ARL5B: variants seen among roughly 807,000 people sequenced by gnomAD.
ARL5B encodes the protein ARF like GTPase 5B.
ARL5B carries 10 observed loss-of-function variants against 26.9 expected under a neutral mutation model. The observed-to-expected ratio is 0.37, with a 90% CI of 0.23 to 0.63. The LOEUF is 0.63. Among genes scored for constraint, ARL5B ranks in the 30% least tolerant of loss-of-function variants. ARL5B has a pLI of 0.62. For missense variants in ARL5B, 167 were observed against 213.9 expected, an observed-to-expected ratio of 0.78 and a Z score of 1.37; for synonymous variants, 87 against 70.4, an observed-to-expected ratio of 1.24 and a Z score of -1.18.
rs767357213 is a variant in ARL5B, at chr10:18,675,235, A to G, written c.*19A>G. 5 of 1,610,126 alleles carry G rather than the reference A, an allele frequency of 3.1e-6. No homozygotes were observed. In the African/African-American group the frequency reaches 4.0e-5, roughly 13 times the overall value. ...GAGATAACTTTTTTGCTTGAAAGAG[A>G]CTGCTCTATTTATTCTGTGACATGA... On this transcript the variant is annotated 3_prime_UTR_variant, in exon 6 of 6. Coordinates refer to ENST00000377275, the MANE Select transcript of ARL5B (RefSeq NM_178815.5).
In ARL5B at chr10:18,681,056, G is replaced by A. The variant is rs1035012961; in HGVS notation, c.*5840G>A. 2 of 152,036 alleles carry A rather than the reference G, an allele frequency of 1.3e-5. No individual in the cohort carries two copies. Among genetic ancestry groups the A allele is most frequent in the African/African-American group, 4.8e-5 (2 of 41,402 alleles). The allele number at this position is 152,036 out of a possible 1,614,324, so 9.4% of individuals were successfully genotyped here. A position where few individuals can be genotyped will look rare whatever the true frequency, so the allele number is the denominator to read the frequency against. ...ACTCCTTAAGCTTCAGGCTTTCTGC[G>A]AAAGCTCTAAGAATATCTTCATTAC... On this transcript the variant is annotated 3_prime_UTR_variant, in exon 6 of 6. Transcript: ENST00000377275.
rs764626304 is a variant in ARL5B, at chr10:18,681,407, T to C, written c.*6191T>C. The C allele has an allele frequency of 7.2e-5, 11 of 152,224 alleles. No individual in the cohort carries two copies. Among genetic ancestry groups the C allele is most frequent in the Non-Finnish European group, 1.5e-4 (10 of 68,034 alleles). 9.4% of individuals were successfully genotyped at this position (152,224 alleles called of 1,614,324 possible). A position where few individuals can be genotyped will look rare whatever the true frequency, so the allele number is the denominator to read the frequency against. The stretch of plus-strand genomic sequence containing the variant: ...TTTATTAGTTATGAAGTGCTTCTTT[T>C]ATATGTTAAGTTTAGGTTGCCAGTA... On this transcript the variant is annotated 3_prime_UTR_variant, in exon 6 of 6. Coordinates refer to ENST00000377275, the MANE Select transcript of ARL5B (RefSeq NM_178815.5).
intron 1 of ARL5B, among the ~76,000 whole-genome samples, chr10:18,665,289 T>C (rs1217677134): frequency 1.3e-5 from 2 of 152,272 alleles, no homozygotes; most frequent in East Asian, 3.9e-4. Flanking sequence ...GCAGTGATCA[T>C]GCCCCTGCAC....
chr10:18,672,731 A>ATTT (rs1564866674), intron 4 of ARL5B, 26 bp downstream of exon 4: 1 of 1,535,766 alleles, frequency 6.5e-7, no homozygotes, highest in Admixed American at 1.7e-5. Context: ...AAATCTTTAA[A>ATTT]AAACAGTGTA....
chr10:18,659,472 C>A lies in ARL5B; in HGVS notation c.-166C>A. 1 of 854,252 alleles carries A rather than the reference C, an allele frequency of 1.2e-6. No homozygotes were observed. The allele number at this position is 854,252 out of a possible 1,614,324, so 52.9% of individuals were successfully genotyped here. On this transcript the variant is annotated 5_prime_UTR_variant, in exon 1 of 6. Coordinates refer to ENST00000377275, the MANE Select transcript of ARL5B (RefSeq NM_178815.5). ...AGGGCTGTCCGGTGGGGATTCGTCG[C>A]GGCGCCTTCTGAGTGGTCGGGTCGA...
chr10:18,675,397 T>TA lies in ARL5B; in HGVS notation c.*183dup. 1 of 567,276 alleles carries TA rather than the reference T, an allele frequency of 1.8e-6. No homozygotes were observed. The highest frequency in any genetic ancestry group is 2.4e-5 in the South Asian group (1 of 41,702). The allele number at this position is 567,276 out of a possible 1,614,324, so 35.1% of individuals were successfully genotyped here. On this transcript the variant is annotated 3_prime_UTR_variant, in exon 6 of 6. Transcript: ENST00000377275. ...AGATTTTTTCTTAACTTTTTTTTTT[T>TA]AACACACTAATCTTCAGTTGGATGA...
chr10:18,671,643 C>A (rs1244295027), intron 3 of ARL5B, among the ~76,000 whole-genome samples: 1 of 150,874 alleles, frequency 6.6e-6, no homozygotes, highest in Non-Finnish European at 1.5e-5. Flanking sequence ...TCCTCCATCT[C>A]CTCCTCCTCC....
intron 1 of ARL5B, among the ~76,000 whole-genome samples, chr10:18,665,667 GC>G (rs1420743384): frequency 6.6e-6 from 1 of 152,118 alleles, no homozygotes; most frequent in East Asian, 1.9e-4. Context: ...CCCAATCGTT[GC>G]CTACAAATCA....
chr10:18,660,583 C>T (rs1213222765), intron 1 of ARL5B, among the ~76,000 whole-genome samples: 2 of 151,754 alleles, frequency 1.3e-5, no homozygotes, highest in East Asian at 3.8e-4. Context: ...CAATTTGTTA[C>T]TGCTAATGTA....
At chr10:18,670,542 C>A (rs554853216) in intron 3 of ARL5B, among the ~76,000 whole-genome samples, 3 of 152,118 alleles carry the variant, frequency 2.0e-5, no homozygotes, top group African/African-American at 7.2e-5. Context: ...ACCTGGGAGG[C>A]GGAGGTGGCA....
intron 5 of ARL5B, 92 bp from the exon 6 acceptor site, chr10:18,675,076 C>CTT (rs2059904477): frequency 3.6e-6 from 4 of 1,119,842 alleles, no homozygotes; most frequent in African/African-American, 1.6e-5. Flanking sequence ...GATTGTGCTA[C>CTT]CAGCCTTTGG....
chr10:18,670,929 A>G (rs1380390143), intron 3 of ARL5B, among the ~76,000 whole-genome samples: 1 of 152,230 alleles, frequency 6.6e-6, no homozygotes, highest in Admixed American at 6.5e-5. Context: ...TACAAAGAAC[A>G]GTGGCGCCTG....
chr10:18,667,776 G>A (rs776484154), intron 2 of ARL5B, among the ~76,000 whole-genome samples: 5 of 151,832 alleles, frequency 3.3e-5, no homozygotes, highest in Non-Finnish European at 7.4e-5. Context: ...TGTTTCTAAG[G>A]GTGGAGTGCA....
chr10:18,675,305 T>C lies in ARL5B; in HGVS notation c.*89T>C. 7 of 1,293,734 alleles carry C rather than the reference T, an allele frequency of 5.4e-6. No individual in the cohort carries two copies. In the South Asian group the frequency reaches 8.4e-5, roughly 15 times the overall value. 80.1% of individuals were successfully genotyped at this position (1,293,734 alleles called of 1,614,324 possible). ...TTGGCTGCTAAGGCAGCAGCATGTT[T>C]AATTTATAACAACACAAACCTCTGA... is the stretch of plus-strand genomic sequence containing the variant. On this transcript the variant is annotated 3_prime_UTR_variant, in exon 6 of 6. Coordinates refer to ENST00000377275, the MANE Select transcript of ARL5B (RefSeq NM_178815.5).
chr10:18,675,220 T>C lies in ARL5B; in HGVS notation c.*4T>C. The stretch of plus-strand genomic sequence containing the variant: ...CTCCCGGATTGGTGTGAGATAACTT[T>C]TTTGCTTGAAAGAGACTGCTCTATT... On this transcript the variant is annotated 3_prime_UTR_variant, in exon 6 of 6. Transcript: ENST00000377275. 6.2e-7 allele frequency: 1 copy of C among 1,613,244 alleles called. No individual in the cohort carries two copies. The highest frequency in any genetic ancestry group is 1.7e-4 in the Middle Eastern group (1 of 6,060).
Position 18,681,303 on chromosome 10 carries a change from T to A in ARL5B, c.*6087T>A, listed in dbSNP as rs1447977552. On this transcript the variant is annotated 3_prime_UTR_variant, in exon 6 of 6. Transcript: ENST00000377275. ...CAAGTAAATTAATGCATTCACATGA[T>A]CACTTCTTGAAAATGGTTCAAAGCA... The A allele has an allele frequency of 6.6e-6, 1 of 152,192 alleles. No individual in the cohort carries two copies. Among genetic ancestry groups the A allele is most frequent in the African/African-American group, 2.4e-5 (1 of 41,446 alleles). The allele number at this position is 152,192 out of a possible 1,614,324, so 9.4% of individuals were successfully genotyped here. A position where few individuals can be genotyped will look rare whatever the true frequency, so the allele number is the denominator to read the frequency against.
At chr10:18,675,030 G>C in intron 5 of ARL5B, 138 bp from the exon 6 acceptor site, 2 of 636,152 alleles carry the variant, frequency 3.1e-6, no homozygotes, top group Non-Finnish European at 2.7e-6. Context: ...TTATTATAGT[G>C]TGACTTGAAT....
intron 2 of ARL5B, among the ~76,000 whole-genome samples, chr10:18,668,014 C>T (rs1564864950): frequency 6.6e-6 from 1 of 152,070 alleles, no homozygotes. Context: ...CTAAATATAT[C>T]TATAGTTAAT....
At chr10:18,664,235 A>T (rs1452765636) in intron 1 of ARL5B, among the ~76,000 whole-genome samples, 1 of 152,000 alleles carries the variant, frequency 6.6e-6, no homozygotes, top group Admixed American at 6.5e-5. Context: ...TACAGGTGTG[A>T]GCCACCATGC....
Sources: allele counts gnomAD v4.1 joint callset (sites outside exome capture counted in the v4.1 genomes callset), GRCh38; gene constraint gnomAD v4.1.1; transcripts MANE v1.5; gene names NCBI Gene and HGNC (gene_info 2026-07-23, HGNC 2026-07-21).